The following RSPH14 variants were observed in gnomAD, a reference collection of about 807,000 sequenced individuals.
The protein encoded by RSPH14 is rhabdoid tumor deletion region gene 1.
A neutral mutation model predicts 26.7 loss-of-function variants in RSPH14; 20 were observed. The ratio of observed to expected loss-of-function variants is 0.75; its 90% CI spans 0.53 to 1.09. The LOEUF is 1.09. Ranked by LOEUF, RSPH14 falls within the 50% of genes least tolerant of loss-of-function variation. RSPH14 has a pLI of 0.00. For synonymous variants in RSPH14, 177 were observed against 189.3 expected (o/e 0.93, Z 0.53); for missense variants, 449 against 457.2 (o/e 0.98, Z 0.16).
At chr22:23,116,318 T>C (rs2069834996) in intron 4 of RSPH14, among the ~76,000 whole-genome samples, 1 of 152,170 alleles carries the variant, frequency 6.6e-6, no homozygotes, top group South Asian at 2.1e-4. Flanking sequence ...GACACCTGGG[T>C]CATGAAGGGC....
At chr22:23,131,353 G>C (rs973899800) in intron 4 of RSPH14, 6 of 222,182 alleles carry the variant, frequency 2.7e-5, no homozygotes, top group Non-Finnish European at 5.6e-5. Context: ...ATGCATTTTG[G>C]GGACATAGTC....
At chr22:23,079,078 A>T (rs12484422) in intron 4 of RSPH14, among the ~76,000 whole-genome samples, 136,128 of 152,256 alleles carry the variant, frequency 0.89, 61,225 homozygotes, top group African/African-American at 0.98. Flanking sequence ...TGCTAGGTCC[A>T]TGTGGGCACA....
chr22:23,171,697 C>T, the RSPH14 span, among the ~76,000 whole-genome samples: 285 of 152,090 alleles, frequency 1.9e-3, 1 homozygote, highest in African/African-American at 6.5e-3. Context: ...ACAAAATTAG[C>T]CAGGCGTGGT....
chr22:23,063,137 G>C (rs1161497964), intron 5 of RSPH14, among the ~76,000 whole-genome samples: 1 of 152,158 alleles, frequency 6.6e-6, no homozygotes, highest in Non-Finnish European at 1.5e-5. Context: ...GGACCTCTGA[G>C]CAGACCTAAG....
chr22:23,060,253 C>T (rs753953716), intron 6 of RSPH14, among the ~76,000 whole-genome samples: 1 of 152,086 alleles, frequency 6.6e-6, no homozygotes, highest in African/African-American at 2.4e-5. Context: ...TGGTGGATCA[C>T]GAGGTCAGGA....
At chr22:23,152,385 G>A in the RSPH14 span, 1 of 1,479,792 alleles carries the variant, frequency 6.8e-7, no homozygotes, top group Non-Finnish European at 9.4e-7. Flanking sequence ...GAGAGCTCAG[G>A]GAAGGAAGGG....
At chr22:23,158,683 C>G in the RSPH14 span, among the ~76,000 whole-genome samples, 2 of 152,212 alleles carry the variant, frequency 1.3e-5, no homozygotes, top group Non-Finnish European at 2.9e-5. Context: ...TTCACCACCT[C>G]CAGCCAGTGC....
chr22:23,153,182 C>T, the RSPH14 span: 2 of 1,409,068 alleles, frequency 1.4e-6, no homozygotes, highest in African/African-American at 2.8e-5. Context: ...CCTACAGGCA[C>T]CTGAGAAAGG....
At position 23,059,467 on chromosome 22, in the gene RSPH14, G is replaced by A. The variant is rs768489811; in HGVS notation, c.1042C>T (p.Pro348Ser). ...RIAISVIEFK[P>S] Reference sequence around the variant, plus strand: ...CACAGAGGTGAATGAAGGGCTCAGGGTTTGAACTCGATGACACTGATGGCG... The same window carrying A: ...CACAGAGGTGAATGAAGGGCTCAGGATTTGAACTCGATGACACTGATGGCG... Residue 348 changes from proline (P) to serine (S), a missense_variant, in exon 7 of 7, where the codon CCC (proline) becomes TCC (serine). Transcript: ENST00000216036. 1.2e-6 allele frequency: 2 copies of A among 1,605,882 alleles called. No individual in the cohort carries two copies. The highest frequency in any genetic ancestry group is 2.7e-5 in the African/African-American group (2 of 74,738).
chr22:23,138,450 A>T (rs1183612880), intron 3 of RSPH14, among the ~76,000 whole-genome samples: 1 of 152,114 alleles, frequency 6.6e-6, no homozygotes, highest in East Asian at 1.9e-4. Flanking sequence ...AGTCCCAGCT[A>T]CTCAGGAGGC....
At chr22:23,151,880 C>T in the RSPH14 span, among the ~76,000 whole-genome samples, 1 of 152,186 alleles carries the variant, frequency 6.6e-6, no homozygotes, top group African/African-American at 2.4e-5. Flanking sequence ...AGAGCCTCAG[C>T]CCTGTTCGGG....
intron 4 of RSPH14, among the ~76,000 whole-genome samples, chr22:23,104,246 G>A (rs2069393142): frequency 1.3e-5 from 2 of 152,210 alleles, no homozygotes; most frequent in African/African-American, 4.8e-5. Context: ...GGCAGGGCAA[G>A]GTCGCAGGCA....
chr22:23,076,108 G>GC (rs559228674), intron 4 of RSPH14, among the ~76,000 whole-genome samples: 162 of 152,344 alleles, frequency 1.1e-3, no homozygotes, highest in African/African-American at 3.7e-3. Context: ...GTGAGGGCTG[G>GC]CTCTTAGGCT....
At chr22:23,078,510 G>A (rs748142424) in intron 4 of RSPH14, among the ~76,000 whole-genome samples, 9 of 152,246 alleles carry the variant, frequency 5.9e-5, no homozygotes, top group Non-Finnish European at 8.8e-5. Flanking sequence ...GGCTCCTGGA[G>A]TGCTTGGCCT....
At chr22:23,130,056 AG>A (rs1200263120) in intron 4 of RSPH14, among the ~76,000 whole-genome samples, 1 of 143,066 alleles carries the variant, frequency 7.0e-6, no homozygotes. Flanking sequence ...AGAAAGAGAA[AG>A]AAAAAGAAAG....
At chr22:23,133,797 C>T (rs1202392758) in intron 4 of RSPH14, 2 of 407,542 alleles carry the variant, frequency 4.9e-6, no homozygotes, top group Non-Finnish European at 9.8e-6. Flanking sequence ...ACCATATTGG[C>T]CAGGCTGGTG....
At chr22:23,165,941 T>TA in the RSPH14 span, among the ~76,000 whole-genome samples, 1 of 152,134 alleles carries the variant, frequency 6.6e-6, no homozygotes, top group Non-Finnish European at 1.5e-5. Flanking sequence ...GGTCAGGAGA[T>TA]AGAGACCATC....
rs766051698 is a variant in RSPH14, at chr22:23,140,219, C to T, written c.199+3G>A. 3.1e-6 allele frequency: 5 copies of T among 1,613,360 alleles called. No homozygotes were observed. The highest frequency in any genetic ancestry group is 4.2e-6 in the Non-Finnish European group (5 of 1,180,022). On this transcript the variant is annotated splice_donor_region_variant and intron_variant, in intron 2 of 6. Coordinates refer to ENST00000216036, the MANE Select transcript of RSPH14 (RefSeq NM_014433.3). ...ATGGTCACCTGTGCTGTGTCACGCT[C>T]ACCTATGTTCATGGCCTTGTAGATA...
intron 6 of RSPH14, among the ~76,000 whole-genome samples, chr22:23,060,560 G>A (rs1326855496): frequency 1.3e-5 from 2 of 152,114 alleles, no homozygotes; most frequent in African/African-American, 4.8e-5. Flanking sequence ...TGGTTCCTGA[G>A]AGATGCCCTC....
Sources: allele counts gnomAD v4.1 joint callset (sites outside exome capture counted in the v4.1 genomes callset), GRCh38; gene constraint gnomAD v4.1.1; transcripts MANE v1.5; gene names NCBI Gene and HGNC (gene_info 2026-07-23, HGNC 2026-07-21).